CLIC5: variants seen among roughly 807,000 people sequenced by gnomAD.
CLIC5 encodes the protein chloride intracellular channel protein 5.
In CLIC5, 20 loss-of-function variants were observed where a neutral mutation model predicts 24.7. That is an observed-to-expected ratio of 0.81 (90% confidence interval 0.57 to 1.18). The LOEUF (loss-of-function observed/expected upper bound fraction) is 1.18. Among genes scored for constraint, CLIC5 ranks in the 50% most tolerant of loss-of-function variants. The pLI, the probability that CLIC5 is intolerant of heterozygous loss-of-function variation, is 0.00. For missense variants in CLIC5, 341 were observed against 326.1 expected, an observed-to-expected ratio of 1.05 and a Z score of -0.35; for synonymous variants, 159 against 135.6, an observed-to-expected ratio of 1.17 and a Z score of -1.20.
At chr6:45,917,879 G>C (rs1763093827) in intron 4 of CLIC5, among the ~76,000 whole-genome samples, 1 of 152,206 alleles carries the variant, frequency 6.6e-6, no homozygotes, top group African/African-American at 2.4e-5. Context: ...TTAATTCTTT[G>C]TGTTTAATTC....
At chr6:46,093,743 T>A in the CLIC5 span, among the ~76,000 whole-genome samples, 8 of 152,202 alleles carry the variant, frequency 5.3e-5, no homozygotes, top group African/African-American at 1.9e-4. Context: ...AAAATTAACA[T>A]ATACTTACCC....
chr6:45,992,811 C>A (rs1765989392), intron 1 of CLIC5, among the ~76,000 whole-genome samples: 1 of 152,082 alleles, frequency 6.6e-6, no homozygotes, highest in Non-Finnish European at 1.5e-5. Context: ...TATATTTATG[C>A]CTTATATAAA....
intron 4 of CLIC5, among the ~76,000 whole-genome samples, chr6:45,930,483 C>T (rs936985276): frequency 1.3e-5 from 2 of 152,158 alleles, no homozygotes; most frequent in African/African-American, 4.8e-5. Flanking sequence ...TTGAAGAAGA[C>T]CTAGCCTTGT....
chr6:46,070,814 C>G (rs567439496), intron 1 of CLIC5, among the ~76,000 whole-genome samples: 82 of 152,046 alleles, frequency 5.4e-4, no homozygotes, highest in African/African-American at 2.0e-3. Flanking sequence ...TCATGCTACC[C>G]AACTTCAAAA....
the CLIC5 span, among the ~76,000 whole-genome samples, chr6:46,093,245 C>A: frequency 1.3e-5 from 2 of 152,176 alleles, no homozygotes; most frequent in Non-Finnish European, 2.9e-5. Flanking sequence ...CGGCTTACCA[C>A]CTTTTCTATC....
intron 1 of CLIC5, among the ~76,000 whole-genome samples, chr6:46,078,274 C>T (rs762764396): frequency 6.6e-6 from 1 of 151,988 alleles, no homozygotes; most frequent in Non-Finnish European, 1.5e-5. Context: ...GCAGGAGAAT[C>T]ATTTGAATCT....
intron 1 of CLIC5, among the ~76,000 whole-genome samples, chr6:46,040,402 G>A (rs1321525005): frequency 6.6e-6 from 1 of 152,122 alleles, no homozygotes; most frequent in African/African-American, 2.4e-5. Context: ...CTTGGTGGTG[G>A]TACAGATAGT....
intron 1 of CLIC5, among the ~76,000 whole-genome samples, chr6:45,986,809 G>A (rs1003600146): frequency 6.6e-6 from 1 of 152,150 alleles, no homozygotes. Context: ...GCAGCTAGTA[G>A]CTAAACCACT....
the CLIC5 span, among the ~76,000 whole-genome samples, chr6:46,119,358 A>G: frequency 2.0e-5 from 3 of 152,130 alleles, no homozygotes; most frequent in Admixed American, 6.5e-5. Flanking sequence ...ACCTCACTTG[A>G]TAGTATAGTG....
upstream of CLIC5, among the ~76,000 whole-genome samples, chr6:46,080,975 T>A (rs1012997695): frequency 2.6e-5 from 4 of 152,214 alleles, no homozygotes; most frequent in African/African-American, 9.6e-5. Context: ...ATCATCACCA[T>A]CAACAAACAT....
chr6:46,019,966 T>G (rs1767130058), upstream of CLIC5, among the ~76,000 whole-genome samples: 1 of 151,894 alleles, frequency 6.6e-6, no homozygotes, highest in South Asian at 2.1e-4. Context: ...AAATACAGAA[T>G]TATAGTTAGA....
At position 45,977,019 on chromosome 6, in the gene CLIC5, A is replaced by G. The variant is rs547401470; in HGVS notation, c.64-21775T>C. 2.6e-5 allele frequency among the ~76,000 whole-genome samples: 4 copies of G among 152,356 alleles called. No individual in the cohort carries two copies. The South Asian group carries it at 8.3e-4, about 32-fold the overall frequency. The stretch of plus-strand genomic sequence containing the variant: ...AGATCTGCCCACATATCAAAAGAAT[A>G]AATTATTTCCTTTCAGGGCTTTGTC... On this transcript the variant is annotated intron_variant, in intron 1 of 5. Coordinates refer to ENST00000339561, the MANE Select transcript of CLIC5 (RefSeq NM_016929.5).
In CLIC5 at chr6:46,044,435, T is replaced by A. The variant is rs114809816; in HGVS notation, c.540+35268A>T. ...GCTTTGGAAAGAGATTTTACCTGTA[T>A]CATCACTTGGTTTAAGACCAGGCCT... is the stretch of plus-strand genomic sequence containing the variant. On this transcript the variant is annotated intron_variant, in intron 1 of 5. Transcript: ENST00000185206. 8.6e-3 allele frequency among the ~76,000 whole-genome samples: 1,316 copies of A among 152,304 alleles called. 23 individuals carry two copies. Among genetic ancestry groups the A allele is most frequent in the African/African-American group, 0.03 (1,231 of 41,576 alleles).
intron 1 of CLIC5, among the ~76,000 whole-genome samples, chr6:46,025,065 T>G (rs1767292003): frequency 6.6e-6 from 1 of 152,044 alleles, no homozygotes; most frequent in Non-Finnish European, 1.5e-5. Flanking sequence ...GAGAATGTCT[T>G]ATAGTATAAT....
intron 1 of CLIC5, among the ~76,000 whole-genome samples, chr6:45,972,760 C>T (rs576615252): frequency 6.6e-6 from 1 of 152,322 alleles, no homozygotes; most frequent in South Asian, 2.1e-4. Flanking sequence ...ATAAAGGCCT[C>T]ATACAGCAAC....
exon 1 of CLIC5, chr6:46,080,302 G>A: frequency 7.0e-7 from 1 of 1,422,832 alleles, no homozygotes; most frequent in Non-Finnish European, 9.5e-7. Flanking sequence ...AATGAATGAA[G>A]GGACAGAGGA....
At chr6:46,057,256 G>A (rs1407075297) in intron 1 of CLIC5, among the ~76,000 whole-genome samples, 2 of 152,162 alleles carry the variant, frequency 1.3e-5, no homozygotes, top group South Asian at 2.1e-4. Context: ...TCAATCATGA[G>A]GACTGGTCTT....
chr6:46,052,250 T>TA (rs1768124466), intron 1 of CLIC5, among the ~76,000 whole-genome samples: 1 of 152,204 alleles, frequency 6.6e-6, no homozygotes. Flanking sequence ...AGCCTTGCAG[T>TA]AAAGGGTCCT....
At chr6:45,896,452 G>T (rs1376570434), downstream of CLIC5, among the ~76,000 whole-genome samples, 1 of 152,224 alleles carries the variant, frequency 6.6e-6, no homozygotes, top group Non-Finnish European at 1.5e-5. Context: ...AGGGCACATG[G>T]TAATTTAATG....
Sources: allele counts gnomAD v4.1 joint callset (sites outside exome capture counted in the v4.1 genomes callset), GRCh38; gene constraint gnomAD v4.1.1; transcripts MANE v1.5; gene names NCBI Gene and HGNC (gene_info 2026-07-23, HGNC 2026-07-21).